Variants in ZFHX3 observed in about 807,000 individuals in gnomAD.
ZFHX3 encodes zinc finger homeobox protein 3.
Under a neutral mutation model 279.1 loss-of-function variants are expected in ZFHX3, and 42 were observed. The ratio of observed to expected loss-of-function variants is 0.15; its 90% CI spans 0.12 to 0.19. The LOEUF (loss-of-function observed/expected upper bound fraction) is 0.19, where lower values mean the gene tolerates loss of function less well. Among genes scored for constraint, ZFHX3 ranks in the 10% least tolerant of loss-of-function variants. The pLI is 1.00. For missense variants in ZFHX3, 4,981 were observed against 4,754.0 expected, an observed-to-expected ratio of 1.05 and a Z score of -1.40; for synonymous variants, 2,293 against 1,957.8, an observed-to-expected ratio of 1.17 and a Z score of -4.52.
chr16:72,977,289 G>A (rs1415986071), intron 1 of ZFHX3, among the ~76,000 whole-genome samples: 1 of 152,050 alleles, frequency 6.6e-6, no homozygotes, highest in East Asian at 1.9e-4. Context: ...CGCAGCGTCT[G>A]GCCTCCCCAG....
intron 4 of ZFHX3, among the ~76,000 whole-genome samples, chr16:73,269,896 G>C (rs1381074828): frequency 6.6e-6 from 1 of 151,960 alleles, no homozygotes; most frequent in Non-Finnish European, 1.5e-5. Context: ...TAAGAGGTGT[G>C]CGCCACCATG....
intron 2 of ZFHX3, chr16:73,610,209 A>C (rs988168257): frequency 2.6e-5 from 4 of 152,002 alleles, no homozygotes; most frequent in African/African-American, 9.7e-5. Context: ...TAGAGGAAAA[A>C]AAAATAGCGA....
At chr16:73,198,050 G>A (rs1968192049) in intron 5 of ZFHX3, among the ~76,000 whole-genome samples, 1 of 144,050 alleles carries the variant, frequency 6.9e-6, no homozygotes, top group Non-Finnish European at 1.5e-5. Flanking sequence ...TGATTCTCCT[G>A]CCTCAGCCTC....
At chr16:73,822,306 C>A (rs1270159210) in intron 1 of ZFHX3, among the ~76,000 whole-genome samples, 3 of 152,110 alleles carry the variant, frequency 2.0e-5, no homozygotes, top group Non-Finnish European at 2.9e-5. Context: ...TCTAGATGCC[C>A]AGGAAAGGCA....
intron 5 of ZFHX3, among the ~76,000 whole-genome samples, chr16:73,201,084 G>A (rs963830925): frequency 1.3e-5 from 2 of 152,180 alleles, no homozygotes; most frequent in African/African-American, 4.8e-5. Context: ...CTGGCTCTAG[G>A]TTGATCCAAG....
At chr16:73,083,006 A>T (rs1965968025) in intron 8 of ZFHX3, among the ~76,000 whole-genome samples, 1 of 146,026 alleles carries the variant, frequency 6.8e-6, no homozygotes, top group South Asian at 2.3e-4. Flanking sequence ...CAACATGGTG[A>T]AACTCCATCT....
chr16:73,711,089 C>T (rs373643876), intron 1 of ZFHX3, among the ~76,000 whole-genome samples: 11 of 152,084 alleles, frequency 7.2e-5, no homozygotes, highest in African/African-American at 2.2e-4. Flanking sequence ...TCAAAGAAGA[C>T]GAAAGAACAC....
At chr16:73,205,267 G>T (rs866699508) in intron 5 of ZFHX3, among the ~76,000 whole-genome samples, 62 of 152,238 alleles carry the variant, frequency 4.1e-4, no homozygotes, top group African/African-American at 1.4e-3. Context: ...TAATAAAAAA[G>T]CCTAGGACAT....
In ZFHX3 at chr16:73,658,633, C is replaced by T. The variant is rs775560087; in HGVS notation, c.-1547+21547G>A. Among the ~76,000 whole-genome samples the T allele has an allele frequency of 1.6e-4, 25 of 152,250 alleles. No individual in the cohort carries two copies. In the Middle Eastern group the frequency reaches 0.021, roughly 125 times the overall value. ...TAGAAATTTTATGACATATCATCCA[C>T]TTGTATAGTCAGAACCCAACTGCGT... On this transcript the variant is annotated intron_variant, in intron 2 of 17. Coordinates refer to the ZFHX3 transcript ENST00000641206.
chr16:72,960,290 G>A (rs943734881), intron 1 of ZFHX3, 96 bp from the exon 2 acceptor site: 13 of 1,008,722 alleles, frequency 1.3e-5, no homozygotes, highest in South Asian at 6.1e-5. Flanking sequence ...CCTACCGCAC[G>A]GAGCGCTCTA....
rs1359742885 is a variant in ZFHX3 at position 73,784,781 on chromosome 16, C to CAAA, written c.-1607-104544_-1607-104542dup. ...AAAATTTTTAAAAAACTATTTTTAA[C>CAAA]AAAATAAAAAAAAAAATATATATAT... On this transcript the variant is annotated intron_variant, in intron 1 of 17. Coordinates refer to the ZFHX3 transcript ENST00000641206. Among the ~76,000 whole-genome samples the CAAA allele has an allele frequency of 1.3e-3, 120 of 90,306 alleles. 1 individual carries two copies. The highest frequency in any genetic ancestry group is 9.9e-3 in the African/African-American group (109 of 10,988). The allele number at this position is 90,306 out of a possible 152,430, so 59.2% of individuals were successfully genotyped here.
At chr16:73,469,441 T>G (rs1166345314) in intron 2 of ZFHX3, among the ~76,000 whole-genome samples, 1 of 152,036 alleles carries the variant, frequency 6.6e-6, no homozygotes, top group Non-Finnish European at 1.5e-5. Flanking sequence ...CACCTGTATA[T>G]GTACTGCCAT....
At chr16:73,478,397 C>G (rs74028672) in intron 2 of ZFHX3, among the ~76,000 whole-genome samples, 13 of 152,216 alleles carry the variant, frequency 8.5e-5, no homozygotes, top group East Asian at 5.8e-4. Flanking sequence ...GGCTTCTTCC[C>G]TGCTAGTTTA....
At chr16:72,789,842 G>A (rs1174859095) in intron 9 of ZFHX3, 2 of 152,250 alleles carry the variant, frequency 1.3e-5, no homozygotes, top group African/African-American at 2.4e-5. Context: ...AGGAGGGCCA[G>A]TGGGACTGTA....
intron 2 of ZFHX3, among the ~76,000 whole-genome samples, chr16:73,667,251 A>C (rs1192132238): frequency 6.6e-6 from 1 of 152,064 alleles, no homozygotes; most frequent in Non-Finnish European, 1.5e-5. Context: ...CAGCCTCCCA[A>C]AGGGCTGTGA....
intron 3 of ZFHX3, among the ~76,000 whole-genome samples, chr16:73,387,855 G>A (rs1030727330): frequency 1.3e-5 from 2 of 151,962 alleles, no homozygotes; most frequent in Admixed American, 6.6e-5. Flanking sequence ...ATATGTCAGA[G>A]ATCATGTATG....
At chr16:72,874,669 T>A (rs1838430860) in intron 4 of ZFHX3, among the ~76,000 whole-genome samples, 1 of 151,868 alleles carries the variant, frequency 6.6e-6, no homozygotes, top group South Asian at 2.1e-4. Context: ...GAAACCTCTT[T>A]TTTTTTTTGA....
chr16:73,470,227 C>G (rs1402811347), intron 2 of ZFHX3, among the ~76,000 whole-genome samples: 1 of 152,158 alleles, frequency 6.6e-6, no homozygotes, highest in Non-Finnish European at 1.5e-5. Flanking sequence ...TACACTTTTC[C>G]TATATTCACG....
At chr16:73,631,451 A>G (rs1187345912) in intron 2 of ZFHX3, among the ~76,000 whole-genome samples, 2 of 152,184 alleles carry the variant, frequency 1.3e-5, no homozygotes, top group Admixed American at 1.3e-4. Context: ...TTTCATCAAT[A>G]TGTCATCTAG....
Sources: allele counts gnomAD v4.1 joint callset (sites outside exome capture counted in the v4.1 genomes callset), GRCh38; gene constraint gnomAD v4.1.1; transcripts MANE v1.5; gene names NCBI Gene and HGNC (gene_info 2026-07-23, HGNC 2026-07-21).